The following UBE2E2 variants were observed in gnomAD, a reference collection of about 807,000 sequenced individuals.
UBE2E2 encodes ubiquitin-conjugating enzyme E2 E2.
A neutral mutation model predicts 24.7 loss-of-function variants in UBE2E2; 6 were observed. That is an observed-to-expected ratio of 0.24 (90% CI 0.13 to 0.48). The LOEUF is 0.48. UBE2E2 is among the 20% of genes least tolerant of loss of function. UBE2E2 has a pLI of 0.99. For missense variants in UBE2E2, 169 were observed against 245.0 expected (o/e 0.69, Z 2.07); for synonymous variants, 104 against 83.6 (o/e 1.24, Z -1.33).
intron 5 of UBE2E2, among the ~76,000 whole-genome samples, chr3:23,563,158 T>C (rs972627220): frequency 6.6e-6 from 1 of 152,232 alleles, no homozygotes; most frequent in African/African-American, 2.4e-5. Flanking sequence ...TTAATTGTGA[T>C]GTTAGGGTGT....
At chr3:23,203,916 C>T (rs970219096) in intron 1 of UBE2E2, among the ~76,000 whole-genome samples, 4 of 152,092 alleles carry the variant, frequency 2.6e-5, no homozygotes, top group African/African-American at 9.7e-5. Flanking sequence ...TGGCGAGTGC[C>T]GGGTTTGGCT....
chr3:23,568,624 T>C (rs1422939463), intron 5 of UBE2E2, among the ~76,000 whole-genome samples: 4 of 147,022 alleles, frequency 2.7e-5, no homozygotes, highest in South Asian at 4.3e-4. Flanking sequence ...CACACACATA[T>C]ATATATGTAT....
At chr3:23,571,280 C>CTTTCTTTTTTT (rs1696218039) in intron 5 of UBE2E2, among the ~76,000 whole-genome samples, 2 of 29,866 alleles carry the variant, frequency 6.7e-5, no homozygotes, top group African/African-American at 2.1e-4. Flanking sequence ...GTGCTCCTTT[C>CTTTCTTTTTTT]TTTTTTTTTT....
At chr3:23,369,502 A>G (rs1696344981) in intron 3 of UBE2E2, among the ~76,000 whole-genome samples, 1 of 152,158 alleles carries the variant, frequency 6.6e-6, no homozygotes, top group South Asian at 2.1e-4. Context: ...TTTGACATGC[A>G]TATTACATTT....
intron 1 of UBE2E2, 82 bp downstream of exon 1, chr3:23,203,546 C>T (rs1460570453): frequency 4.6e-5 from 39 of 853,942 alleles, no homozygotes; most frequent in Non-Finnish European, 5.3e-5. Context: ...CCCCGACCTC[C>T]CCTCCGCGTC....
intron 2 of UBE2E2, among the ~76,000 whole-genome samples, chr3:23,209,701 G>A (rs1665645257): frequency 6.6e-6 from 1 of 152,118 alleles, no homozygotes; most frequent in African/African-American, 2.4e-5. Flanking sequence ...TATGGTGTGG[G>A]TTAAGGGGAA....
intron 3 of UBE2E2, among the ~76,000 whole-genome samples, chr3:23,232,515 C>T (rs891082553): frequency 6.6e-6 from 1 of 152,084 alleles, no homozygotes; most frequent in Non-Finnish European, 1.5e-5. Context: ...TGTTTAGAAT[C>T]CTCCTGATTT....
chr3:23,249,634 A>G (rs900034157), intron 3 of UBE2E2, among the ~76,000 whole-genome samples: 16 of 151,458 alleles, frequency 1.1e-4, no homozygotes, highest in Non-Finnish European at 4.4e-5. Context: ...GCTAAAATAA[A>G]ATGTGTGTAT....
intron 5 of UBE2E2, among the ~76,000 whole-genome samples, chr3:23,538,995 A>G (rs192796695): frequency 2.6e-5 from 4 of 152,290 alleles, no homozygotes; most frequent in East Asian, 3.9e-4. Flanking sequence ...TCTAGGAAAT[A>G]CTGAATGAGA....
chr3:23,435,346 T>C (rs1698155646), intron 3 of UBE2E2, among the ~76,000 whole-genome samples: 2 of 152,226 alleles, frequency 1.3e-5, no homozygotes, highest in Admixed American at 1.3e-4. Context: ...AATCCTAGTT[T>C]ACAGAATAAA....
intron 2 of UBE2E2, among the ~76,000 whole-genome samples, chr3:23,214,840 C>T (rs1696431229): frequency 6.6e-6 from 1 of 151,794 alleles, no homozygotes; most frequent in Admixed American, 6.6e-5. Context: ...CCCTAGTTCT[C>T]CCAATTCCAT....
intron 5 of UBE2E2, chr3:23,534,158 T>G: frequency 1.0e-6 from 1 of 977,472 alleles, no homozygotes; most frequent in Non-Finnish European, 1.2e-6. Context: ...TTGAGGTGAT[T>G]TCGAAGCCTG....
At chr3:23,220,948 T>A (rs1696618529) in intron 3 of UBE2E2, among the ~76,000 whole-genome samples, 2 of 152,212 alleles carry the variant, frequency 1.3e-5, no homozygotes. Context: ...AATCTCCAGA[T>A]AAAAATTAAA....
intron 3 of UBE2E2, among the ~76,000 whole-genome samples, chr3:23,497,376 A>G (rs1699624453): frequency 6.6e-6 from 1 of 152,244 alleles, no homozygotes; most frequent in African/African-American, 2.4e-5. Flanking sequence ...TGAACTGCTC[A>G]TGCAGAGATG....
chr3:23,563,700 T>A (rs1695992657), intron 5 of UBE2E2, among the ~76,000 whole-genome samples: 1 of 152,138 alleles, frequency 6.6e-6, no homozygotes, highest in Admixed American at 6.6e-5. Flanking sequence ...AATTTCAAAT[T>A]GACCATTTAA....
chr3:23,541,632 G>C (rs1198630933), intron 5 of UBE2E2, among the ~76,000 whole-genome samples: 1 of 152,194 alleles, frequency 6.6e-6, no homozygotes, highest in African/African-American at 2.4e-5. Flanking sequence ...ATCCTACAGG[G>C]AAACCTGTTG....
chr3:23,321,610 A>G (rs1694739408), intron 3 of UBE2E2, among the ~76,000 whole-genome samples: 1 of 149,546 alleles, frequency 6.7e-6, no homozygotes, highest in African/African-American at 2.5e-5. Flanking sequence ...CCACTAGAAT[A>G]GCTCTTCCAT....
chr3:23,517,385 C>T (rs1694766381), intron 4 of UBE2E2, among the ~76,000 whole-genome samples: 1 of 152,124 alleles, frequency 6.6e-6, no homozygotes, highest in South Asian at 2.1e-4. Context: ...CCTACATAAG[C>T]TTTACACATC....
intron 3 of UBE2E2, among the ~76,000 whole-genome samples, chr3:23,274,301 C>G (rs766219795): frequency 3.9e-5 from 6 of 151,902 alleles, no homozygotes; most frequent in Non-Finnish European, 7.4e-5. Context: ...CTTTCTTTCC[C>G]CTCTTCTTCT....
Sources: gnomAD v4.1 joint callset for allele counts (sites outside exome capture counted in the v4.1 genomes callset) on GRCh38, gnomAD v4.1.1 for gene constraint, MANE v1.5 for transcripts, NCBI Gene and HGNC (gene_info 2026-07-23, HGNC 2026-07-21) for gene names.